PRPF8: variants seen among roughly 807,000 people sequenced by gnomAD.
The protein encoded by PRPF8 is pre-mRNA processing factor 8, also known as pre-mRNA-processing-splicing factor 8.
A neutral mutation model predicts 285.9 loss-of-function variants in PRPF8; 64 were observed. The observed-to-expected ratio is 0.22, with a 90% CI of 0.18 to 0.28. The LOEUF (loss-of-function observed/expected upper bound fraction) is 0.28. PRPF8 is among the 10% of genes least tolerant of loss of function. The pLI is 1.00. For synonymous variants in PRPF8, 1,325 were observed against 1,118.2 expected, an observed-to-expected ratio of 1.18 and a Z score of -3.69; for missense variants, 1,426 against 3,026.7, an observed-to-expected ratio of 0.47 and a Z score of 12.41.
rs767463075 is a variant in PRPF8 at position 1,673,607 on chromosome 17, AG to A, written c.3447-41del. 13 of 1,613,176 alleles carry A rather than the reference AG, an allele frequency of 8.1e-6. No individual in the cohort carries two copies. The highest frequency in any genetic ancestry group is 1.1e-5 in the Non-Finnish European group (13 of 1,179,826). On this transcript the variant is annotated intron_variant, in intron 22 of 42. Coordinates refer to ENST00000304992, the MANE Select transcript of PRPF8 (RefSeq NM_006445.4). The surrounding 1 kb of genome is among the most constrained non-coding windows in gnomAD (Gnocchi z 5.5). ...CACATGGTCACAGCAGTTTCTTGGAAGGAACTTCCCTTCAAAGGCCAACTGA... is the reference window on the plus strand; with the variant it reads ...CACATGGTCACAGCAGTTTCTTGGAAGAACTTCCCTTCAAAGGCCAACTGA...
At position 1,677,682 on chromosome 17, in the gene PRPF8, T is replaced by C; in HGVS notation, c.1867A>G (p.Lys623Glu). 1 of 1,613,738 alleles carries C rather than the reference T, an allele frequency of 6.2e-7. No homozygotes were observed. The highest frequency in any genetic ancestry group is 8.5e-7 in the Non-Finnish European group (1 of 1,179,990). ...YYRFNTGPVG[K>E]GPGCGFWAAG... Reference sequence around the variant, plus strand: ...GCCCAGAAGCCACAGCCAGGACCCTTCCCTACAGGGCCCTACGATCCCAAG... The same window carrying C: ...GCCCAGAAGCCACAGCCAGGACCCTCCCCTACAGGGCCCTACGATCCCAAG... The change falls in exon 14 of 43, where the codon AAG (lysine) becomes GAG (glutamate). Residue 623 changes from lysine (K) to glutamate (E), a missense_variant. This residue lies in a region of PRPF8 where 69 missense variants were observed against 134.7 expected (regional missense o/e 0.51). Transcript: ENST00000304992.
chr17:1,669,486 C>T (rs1237275409), intron 24 of PRPF8, among the ~76,000 whole-genome samples: 2 of 152,174 alleles, frequency 1.3e-5, no homozygotes, highest in African/African-American at 2.4e-5. Context: ...CATTCAAAAA[C>T]ACCTGCACTG....
chr17:1,671,668 G>A (rs1040906729), intron 24 of PRPF8, among the ~76,000 whole-genome samples: 1 of 151,764 alleles, frequency 6.6e-6, no homozygotes, highest in Non-Finnish European at 1.5e-5. Flanking sequence ...TGGCTAACAC[G>A]GTGAAACCCC....
Position 1,660,973 on chromosome 17 carries a change from T to C in PRPF8, c.4508+20A>G. 17 of 1,613,358 alleles carry C rather than the reference T, an allele frequency of 1.1e-5. No homozygotes were observed. The highest frequency in any genetic ancestry group is 1.4e-5 in the Non-Finnish European group (17 of 1,180,012). On this transcript the variant is annotated intron_variant, in intron 28 of 42. Coordinates refer to ENST00000304992, the MANE Select transcript of PRPF8 (RefSeq NM_006445.4). ...CTCAAAGGGTTGTGACAGGTCCCTC[T>C]AAGAGAGGAGAATCCTCACCAGAAA... is the stretch of plus-strand genomic sequence containing the variant.
intron 24 of PRPF8, among the ~76,000 whole-genome samples, chr17:1,671,490 G>A (rs1360803440): frequency 6.6e-6 from 1 of 152,140 alleles, no homozygotes; most frequent in Admixed American, 6.6e-5. Context: ...GCTAAGGCAG[G>A]AGGACTGCTT....
chr17:1,665,416 T>C (rs1567682191), intron 24 of PRPF8, among the ~76,000 whole-genome samples: 1 of 151,778 alleles, frequency 6.6e-6, no homozygotes, highest in Non-Finnish European at 1.5e-5. Flanking sequence ...CAGGCGACTA[T>C]AGTCCCAGCT....
rs371780945 is a variant in PRPF8 at position 1,662,679 on chromosome 17, A to C, written c.3775-526T>G. 1.6e-4 allele frequency among the ~76,000 whole-genome samples: 24 copies of C among 151,816 alleles called. No individual in the cohort carries two copies. In the South Asian group the frequency reaches 4.8e-3, roughly 30 times the overall value. On this transcript the variant is annotated intron_variant, in intron 24 of 42. Coordinates refer to ENST00000304992, the MANE Select transcript of PRPF8 (RefSeq NM_006445.4). ...CACTTTGGGAGGCCGAGGTGGGTGG[A>C]TCACCTGAGGTCAGGAGTTCAAGAC...
chr17:1,681,409 G>A (rs1912915751), intron 6 of PRPF8, 69 bp downstream of exon 6: 2 of 1,471,366 alleles, frequency 1.4e-6, no homozygotes, highest in Non-Finnish European at 9.5e-7. Flanking sequence ...GTTATATCAG[G>A]ACTTTAAGGA....
intron 24 of PRPF8, among the ~76,000 whole-genome samples, chr17:1,668,683 C>T (rs1912138250): frequency 3.3e-5 from 5 of 151,806 alleles, no homozygotes; most frequent in Admixed American, 3.3e-4. Flanking sequence ...TCTTGATTCC[C>T]TTGCATTCAA....
chr17:1,670,330 C>G (rs1567685008), intron 24 of PRPF8, among the ~76,000 whole-genome samples: 4 of 152,194 alleles, frequency 2.6e-5, no homozygotes, highest in African/African-American at 7.2e-5. Flanking sequence ...GTGGCACTAA[C>G]ACCCACCTAG....
chr17:1,655,394 C>T lies in PRPF8; in HGVS notation c.5943G>A (p.Val1981=), dbSNP rs758937794. 38 of 1,613,810 alleles carry T rather than the reference C, an allele frequency of 2.4e-5. No individual in the cohort carries two copies. The African/African-American group carries it at 3.6e-4, about 15-fold the overall frequency. The change falls in exon 37 of 43, where the codon GTG becomes GTA. Residue 1981 remains valine (V), a synonymous_variant. Transcript: ENST00000304992. The stretch of plus-strand genomic sequence containing the variant: ...CAGCCAAGATCAGATCCTTGAGCTG[C>T]ACCTCGACCTTGATCCATTCTTCGT... ...LTDEEWIKVE[V]QLKDLILADY...
Position 1,656,374 on chromosome 17 carries a change from T to C in PRPF8, c.5793+18A>G, listed in dbSNP as rs766616537. 6 of 1,614,178 alleles carry C rather than the reference T, an allele frequency of 3.7e-6. No homozygotes were observed. The South Asian group carries it at 5.5e-5, about 15-fold the overall frequency. ...ACCCGCTCCTCCTCCAGCGATCTTC[T>C]CTTCCCGAGGTTCATACCGTGTAAG... On this transcript the variant is annotated intron_variant, in intron 36 of 42. Transcript: ENST00000304992.
intron 24 of PRPF8, among the ~76,000 whole-genome samples, chr17:1,667,344 G>A (rs1053612424): frequency 6.6e-6 from 1 of 152,166 alleles, no homozygotes; most frequent in East Asian, 1.9e-4. Context: ...CTGAAGGGGA[G>A]GAGGCATAAA....
chr17:1,673,216 G>A lies in PRPF8; in HGVS notation c.3658-19C>T. On this transcript the variant is annotated intron_variant, in intron 23 of 42. Coordinates refer to ENST00000304992, the MANE Select transcript of PRPF8 (RefSeq NM_006445.4). This position sits in a 1 kb window ranked among gnomAD's most constrained non-coding sequence, Gnocchi z 5.5. ...TAGTAACCTAAACCACAAAGTCAAGGTTAACATGTCCGAGGAACTCCCACA... is the reference window on the plus strand; with the variant it reads ...TAGTAACCTAAACCACAAAGTCAAGATTAACATGTCCGAGGAACTCCCACA... The A allele has an allele frequency of 6.2e-7, 1 of 1,613,160 alleles. No individual in the cohort carries two copies. The highest frequency in any genetic ancestry group is 8.5e-7 in the Non-Finnish European group (1 of 1,179,112).
chr17:1,684,334 T>G, intron 2 of PRPF8, 138 bp downstream of exon 2: 3 of 894,820 alleles, frequency 3.4e-6, no homozygotes, highest in Non-Finnish European at 5.4e-6. Context: ...TTAAAATGAC[T>G]TGATGAAAAA....
Position 1,675,916 on chromosome 17 carries a change from G to C in PRPF8, c.2679+12C>G. 6.2e-7 allele frequency: 1 copy of C among 1,614,112 alleles called. No individual in the cohort carries two copies. The highest frequency in any genetic ancestry group is 8.5e-7 in the Non-Finnish European group (1 of 1,180,004). On this transcript the variant is annotated intron_variant, in intron 18 of 42. Transcript: ENST00000304992. The surrounding 1 kb of genome is among the most constrained non-coding windows in gnomAD (Gnocchi z 6.0). ...GTAGAACCAAAAAGAAAACTTGGGA[G>C]GCCTCACTCACCTCTTTGAAGGCTC...
Position 1,678,887 on chromosome 17 carries a change from G to A in PRPF8, c.1600-6C>T, listed in dbSNP as rs1362308988. 1.2e-6 allele frequency: 2 copies of A among 1,614,104 alleles called. No homozygotes were observed. The highest frequency in any genetic ancestry group is 1.7e-6 in the Non-Finnish European group (2 of 1,180,032). ...AAACGAGATTTCTTTCTTTCCTGGA[G>A]AAGATGCAAAAAACAGACAGAACGT... On this transcript the variant is annotated splice_polypyrimidine_tract_variant and splice_region_variant and intron_variant, in intron 11 of 42. Transcript: ENST00000304992.
In PRPF8 at chr17:1,653,742, G is replaced by T. The variant is rs114072344; in HGVS notation, c.6227+35C>A. 1.9e-3 allele frequency: 3,080 copies of T among 1,614,088 alleles called. 42 individuals carry two copies. In the African/African-American group the frequency reaches 0.035, roughly 18 times the overall value. On this transcript the variant is annotated intron_variant, in intron 38 of 42. Transcript: ENST00000304992. The surrounding 1 kb of genome is among the most constrained non-coding windows in gnomAD (Gnocchi z 4.9). ...GCCCAGCACCTTAGGTAGTGCAGCC[G>T]GCCTTTCCATCCCCACCCTCTTGCC...
Position 1,673,323 on chromosome 17 carries a change from G to T in PRPF8, c.3657+34C>A, listed in dbSNP as rs369557869. ...TGACTGACCCAGGAAGTGCAGGCGC[G>T]TTCATGTCACTCCCAGCCCCGCCCA... is the stretch of plus-strand genomic sequence containing the variant. On this transcript the variant is annotated intron_variant, in intron 23 of 42. Coordinates refer to ENST00000304992, the MANE Select transcript of PRPF8 (RefSeq NM_006445.4). The surrounding 1 kb of genome is among the most constrained non-coding windows in gnomAD (Gnocchi z 5.5). 1.2e-6 allele frequency: 2 copies of T among 1,612,006 alleles called. No homozygotes were observed. The highest frequency in any genetic ancestry group is 2.2e-5 in the South Asian group (2 of 91,016).
Sources: gnomAD v4.1 joint callset for allele counts (sites outside exome capture counted in the v4.1 genomes callset) on GRCh38, gnomAD v4.1.1 for gene constraint, gnomAD v4.1.1 regional missense constraint, Gnocchi (gnomAD v3.1) non-coding constraint, MANE v1.5 for transcripts, NCBI Gene and HGNC (gene_info 2026-07-23, HGNC 2026-07-21) for gene names.